The following GRIK4 variants were observed in gnomAD, a reference collection of about 807,000 sequenced individuals.
GRIK4 encodes the protein glutamate receptor ionotropic, kainate 4.
In GRIK4, 40 loss-of-function variants were observed where a neutral mutation model predicts 104.9. The ratio of observed to expected loss-of-function variants is 0.38; its 90% CI spans 0.30 to 0.50. The LOEUF is 0.50. Ranked by LOEUF, GRIK4 falls within the 20% of genes least tolerant of loss-of-function variation. GRIK4 has a pLI of 0.93. For synonymous variants in GRIK4, 485 were observed against 524.9 expected (o/e 0.92, Z 1.04); for missense variants, 1,047 against 1,308.1 (o/e 0.80, Z 3.08).
At chr11:120,801,798 G>A (rs770536366) in intron 3 of GRIK4, among the ~76,000 whole-genome samples, 4 of 152,150 alleles carry the variant, frequency 2.6e-5, no homozygotes, top group Non-Finnish European at 5.9e-5. Context: ...CCTCCTGTGT[G>A]CAAGATCCTG....
At chr11:120,713,290 G>A (rs1049035026) in intron 3 of GRIK4, among the ~76,000 whole-genome samples, 1 of 152,120 alleles carries the variant, frequency 6.6e-6, no homozygotes, top group African/African-American at 2.4e-5. Flanking sequence ...TTTGGATTCG[G>A]CCACCTGACA....
At chr11:120,971,928 G>A (rs995521975) in intron 19 of GRIK4, among the ~76,000 whole-genome samples, 5 of 152,198 alleles carry the variant, frequency 3.3e-5, no homozygotes, top group Non-Finnish European at 2.9e-5. Context: ...TCTGTCTCAC[G>A]CTTTTTCACA....
chr11:120,773,008 C>T (rs1004108116), intron 3 of GRIK4, among the ~76,000 whole-genome samples: 1 of 152,170 alleles, frequency 6.6e-6, no homozygotes, highest in Middle Eastern at 3.2e-3. Context: ...AGATTGAGTA[C>T]TATTCCAACA....
intron 1 of GRIK4, among the ~76,000 whole-genome samples, chr11:120,561,652 G>A (rs1055312550): frequency 2.6e-5 from 4 of 152,204 alleles, no homozygotes; most frequent in African/African-American, 7.2e-5. Context: ...CCTAGGGGTC[G>A]GGAAACAGCA....
At chr11:120,721,947 A>C (rs1205149769) in intron 3 of GRIK4, among the ~76,000 whole-genome samples, 2 of 152,210 alleles carry the variant, frequency 1.3e-5, no homozygotes, top group African/African-American at 4.8e-5. Context: ...CATGTTTTAC[A>C]TGTTTTAACT....
chr11:120,935,311 G>A (rs917650872), intron 13 of GRIK4, among the ~76,000 whole-genome samples: 2 of 152,148 alleles, frequency 1.3e-5, no homozygotes, highest in African/African-American at 4.8e-5. Flanking sequence ...AAAACTTTGG[G>A]AGGCCAAGGC....
chr11:120,538,087 G>A (rs1047722284), intron 1 of GRIK4, among the ~76,000 whole-genome samples: 2 of 152,220 alleles, frequency 1.3e-5, no homozygotes, highest in Non-Finnish European at 2.9e-5. Context: ...ACTTTCTAAC[G>A]AGGACAGAAG....
intron 3 of GRIK4, among the ~76,000 whole-genome samples, chr11:120,663,238 G>A (rs1013398489): frequency 2.6e-5 from 4 of 152,166 alleles, no homozygotes; most frequent in Non-Finnish European, 5.9e-5. Context: ...AGAGACCAGA[G>A]ATCATTGTCA....
intron 3 of GRIK4, among the ~76,000 whole-genome samples, chr11:120,691,385 C>G (rs1024355478): frequency 3.3e-5 from 5 of 152,162 alleles, no homozygotes; most frequent in African/African-American, 1.2e-4. Flanking sequence ...GTGCAAGACA[C>G]TTCGATGTGT....
At chr11:120,735,950 A>G (rs1303013225) in intron 3 of GRIK4, among the ~76,000 whole-genome samples, 1 of 152,146 alleles carries the variant, frequency 6.6e-6, no homozygotes, top group Non-Finnish European at 1.5e-5. Context: ...CTTCTGTCCC[A>G]GGGCAGGTCC....
intron 3 of GRIK4, among the ~76,000 whole-genome samples, chr11:120,742,181 A>G (rs373872825): frequency 6.6e-6 from 1 of 152,246 alleles, no homozygotes; most frequent in South Asian, 2.1e-4. Context: ...CCCCGTCTCT[A>G]CTAAAAATAC....
chr11:120,931,567 C>T (rs1006143541), intron 13 of GRIK4, among the ~76,000 whole-genome samples: 36 of 152,154 alleles, frequency 2.4e-4, no homozygotes, highest in African/African-American at 8.4e-4. Flanking sequence ...GGGTTTGAAT[C>T]CTGGCTCTGC....
chr11:120,721,806 G>T (rs1950937992), intron 3 of GRIK4, among the ~76,000 whole-genome samples: 1 of 152,120 alleles, frequency 6.6e-6, no homozygotes, highest in Admixed American at 6.5e-5. Context: ...ACCCTGGGAG[G>T]GGCAGTCTCT....
chr11:120,833,598 T>C (rs4936558), intron 7 of GRIK4, among the ~76,000 whole-genome samples: 49,731 of 152,098 alleles, frequency 0.33, 8,983 homozygotes, highest in East Asian at 0.49. Context: ...GGGCCAGCCT[T>C]GTGCCCTCCA....
rs934324240 is a variant in GRIK4 at position 120,923,535 on chromosome 11, C to A, written c.1477-16812C>A. Reference sequence around the variant, plus strand: ...TCACACCATTCTCCTGCCTCAGCCTCCTGAGTAGCTGGGACTACAGGCACC... The same window carrying A: ...TCACACCATTCTCCTGCCTCAGCCTACTGAGTAGCTGGGACTACAGGCACC... On this transcript the variant is annotated intron_variant, in intron 13 of 20. Transcript: ENST00000527524. Among the ~76,000 whole-genome samples, 15 of 151,156 alleles carry A rather than the reference C, an allele frequency of 9.9e-5. No individual in the cohort carries two copies. In the East Asian group the frequency reaches 2.6e-3, roughly 26 times the overall value.
chr11:120,849,663 G>A (rs1194188421), intron 8 of GRIK4, among the ~76,000 whole-genome samples: 1 of 152,174 alleles, frequency 6.6e-6, no homozygotes, highest in Non-Finnish European at 1.5e-5. Context: ...TGAAAGTGAG[G>A]CTCAGAGATG....
At chr11:120,845,681 G>A (rs1352067198) in intron 8 of GRIK4, among the ~76,000 whole-genome samples, 3 of 147,946 alleles carry the variant, frequency 2.0e-5, no homozygotes, top group East Asian at 2.0e-4. Context: ...ACACACACAC[G>A]GCCAGAAGTT....
chr11:120,658,727 CTTTTTTTTTTTTTTTT>C (rs71050753), intron 2 of GRIK4, among the ~76,000 whole-genome samples: 25 of 56,730 alleles, frequency 4.4e-4, no homozygotes, highest in South Asian at 2.6e-3. Context: ...GAGGACGAAA[CTTTTTTTTTTTTTTTT>C]TTTTTTTTTT....
At chr11:120,744,587 G>A (rs1951405648) in intron 3 of GRIK4, among the ~76,000 whole-genome samples, 1 of 152,166 alleles carries the variant, frequency 6.6e-6, no homozygotes, top group Admixed American at 6.5e-5. Context: ...AGAATGGAGT[G>A]TTCCCTTTCT....
Sources: gnomAD v4.1 joint callset for allele counts (sites outside exome capture counted in the v4.1 genomes callset) on GRCh38, gnomAD v4.1.1 for gene constraint, MANE v1.5 for transcripts, NCBI Gene and HGNC (gene_info 2026-07-23, HGNC 2026-07-21) for gene names.